The following SEC14L5 variants were observed in gnomAD, a reference collection of about 807,000 sequenced individuals.
The protein encoded by SEC14L5 is SEC14-like protein 5.
Under a neutral mutation model 84.6 loss-of-function variants are expected in SEC14L5, and 96 were observed. That is an observed-to-expected ratio of 1.13 (90% CI 0.96 to 1.34). The LOEUF is 1.34. Ranked by LOEUF, SEC14L5 falls within the 40% of genes most tolerant of loss-of-function variation. The probability of loss-of-function intolerance (pLI) is 0.00; values close to 1 mark genes in which losing one functional copy is unlikely to be tolerated. For missense variants in SEC14L5, 1,224 were observed against 942.5 expected (o/e 1.30, Z -3.91); for synonymous variants, 546 against 383.4 (o/e 1.42, Z -4.95).
intron 2 of SEC14L5, among the ~76,000 whole-genome samples, chr16:4,964,075 C>T (rs1463707646): frequency 6.6e-6 from 1 of 152,154 alleles, no homozygotes; most frequent in Non-Finnish European, 1.5e-5. Context: ...ACAATTAAGA[C>T]AATGGAGGCA....
chr16:5,010,889 G>T, intron 14 of SEC14L5: 1 of 550,298 alleles, frequency 1.8e-6, no homozygotes, highest in Non-Finnish European at 3.2e-6. Context: ...TTAAGAGGGA[G>T]GCTCTGGTCC....
At chr16:4,962,494 C>T (rs1044789251) in intron 2 of SEC14L5, among the ~76,000 whole-genome samples, 2 of 152,056 alleles carry the variant, frequency 1.3e-5, no homozygotes, top group Non-Finnish European at 2.9e-5. Context: ...TCGAGACGAG[C>T]TTGGCCAACA....
chr16:4,969,220 C>A (rs1955244051), intron 2 of SEC14L5, among the ~76,000 whole-genome samples: 1 of 152,194 alleles, frequency 6.6e-6, no homozygotes, highest in Non-Finnish European at 1.5e-5. Flanking sequence ...AAGTGTAAGG[C>A]CCTCGTGCAT....
chr16:5,002,070 T>C (rs1325628436), intron 10 of SEC14L5, among the ~76,000 whole-genome samples: 1 of 152,232 alleles, frequency 6.6e-6, no homozygotes, highest in Non-Finnish European at 1.5e-5. Context: ...GTTCCCAGCC[T>C]GTAAAGTGGC....
At chr16:4,961,443 C>G (rs764257358) in intron 2 of SEC14L5, among the ~76,000 whole-genome samples, 2 of 152,170 alleles carry the variant, frequency 1.3e-5, no homozygotes, top group Admixed American at 6.5e-5. Flanking sequence ...ATTCTCGTGC[C>G]TCAGCCCCCT....
At chr16:4,961,387 G>C (rs1270933200) in intron 2 of SEC14L5, among the ~76,000 whole-genome samples, 1 of 152,182 alleles carries the variant, frequency 6.6e-6, no homozygotes, top group Non-Finnish European at 1.5e-5. Context: ...GGAGTGCAGT[G>C]GTGCCATCTT....
At chr16:4,975,404 C>A (rs544041896) in intron 2 of SEC14L5, among the ~76,000 whole-genome samples, 3,157 of 135,994 alleles carry the variant, frequency 0.023, 102 homozygotes, top group African/African-American at 0.083. Flanking sequence ...ACCCGGGAGG[C>A]AGAGCTTGCA....
chr16:4,970,491 A>G (rs1181031378), intron 2 of SEC14L5, among the ~76,000 whole-genome samples: 1 of 152,152 alleles, frequency 6.6e-6, no homozygotes, highest in Non-Finnish European at 1.5e-5. Context: ...CATTCCTGAG[A>G]CACTTGGAAA....
chr16:4,982,339 C>T (rs1430754165), intron 2 of SEC14L5, among the ~76,000 whole-genome samples: 1 of 152,174 alleles, frequency 6.6e-6, no homozygotes, highest in Non-Finnish European at 1.5e-5. Flanking sequence ...CTGTGACAGG[C>T]GCTAGGAGCA....
At chr16:5,007,231 C>A in intron 12 of SEC14L5, 121 bp from the exon 13 acceptor site, 2 of 776,948 alleles carry the variant, frequency 2.6e-6, no homozygotes, top group Non-Finnish European at 4.1e-6. Context: ...AAGCCCACAG[C>A]CCATTCAGTA....
At chr16:4,969,841 C>G (rs1596615254) in intron 2 of SEC14L5, among the ~76,000 whole-genome samples, 2 of 136,854 alleles carry the variant, frequency 1.5e-5, no homozygotes, top group African/African-American at 5.5e-5. Context: ...TTTTTTGAGA[C>G]TGGTCTCAGG....
In SEC14L5 at chr16:5,000,541, C is replaced by T; in HGVS notation, c.971-114C>T. 3 of 759,256 alleles carry T rather than the reference C, an allele frequency of 4.0e-6. No homozygotes were observed. In the South Asian group the frequency reaches 5.0e-5, roughly 13 times the overall value. The allele number at this position is 759,256 out of a possible 1,614,324, so 47.0% of individuals were successfully genotyped here. On this transcript the variant is annotated intron_variant, in intron 8 of 15. Transcript: ENST00000251170. ...TTAGTAAGTGAAGGCTGGATCGGGC[C>T]TTGGTGGGTTGCAGCCTGAGGAGGT...
rs1033883960 is a variant in SEC14L5, at chr16:5,015,184, C to T, written c.*214C>T. 1 of 566,944 alleles carries T rather than the reference C, an allele frequency of 1.8e-6. No individual in the cohort carries two copies. Among genetic ancestry groups the T allele is most frequent in the Non-Finnish European group, 3.1e-6 (1 of 318,990 alleles). The allele number at this position is 566,944 out of a possible 1,614,324, so 35.1% of individuals were successfully genotyped here. On this transcript the variant is annotated 3_prime_UTR_variant, in exon 16 of 16. Coordinates refer to ENST00000251170, the MANE Select transcript of SEC14L5 (RefSeq NM_014692.2). ...TGAAATTGCAAGGACAGAACCATCT[C>T]CTTCCGGCTTCGTGTAAGGAAGACC... is the stretch of plus-strand genomic sequence containing the variant.
At chr16:5,003,804 G>T (rs1199632400) in intron 11 of SEC14L5, among the ~76,000 whole-genome samples, 4 of 152,208 alleles carry the variant, frequency 2.6e-5, no homozygotes, top group Non-Finnish European at 4.4e-5. Flanking sequence ...GAACATTTCT[G>T]TCGCCCCAAA....
chr16:4,981,152 T>A (rs1955418793), intron 2 of SEC14L5, among the ~76,000 whole-genome samples: 1 of 151,952 alleles, frequency 6.6e-6, no homozygotes, highest in Non-Finnish European at 1.5e-5. Context: ...AGTCTTGCTC[T>A]GTCGCCCACG....
At chr16:5,011,021 C>A (rs1455419472) in intron 14 of SEC14L5, 74 bp from the exon 15 acceptor site, 15 of 1,408,018 alleles carry the variant, frequency 1.1e-5, no homozygotes, top group Middle Eastern at 2.4e-4. Context: ...TGATGAGAAG[C>A]CCATGAAGGC....
In SEC14L5 at chr16:5,011,121, C is replaced by CG; in HGVS notation, c.1828dup (p.Val610GlyfsTer43). The CG allele has an allele frequency of 6.2e-7, 1 of 1,607,898 alleles. No individual in the cohort carries two copies. The highest frequency in any genetic ancestry group is 1.1e-5 in the South Asian group (1 of 89,962). On this transcript the variant is annotated frameshift_variant, in exon 15 of 16. Coordinates refer to ENST00000251170, the MANE Select transcript of SEC14L5 (RefSeq NM_014692.2). LOFTEE classifies it high-confidence loss of function. ...GCTCCCATGTGACCCGGTGGCCCGG[C>CG]GTCTACCTGCTCCAGTGGCAAATGC...
chr16:5,003,006 C>G (rs1186845938), intron 10 of SEC14L5, among the ~76,000 whole-genome samples: 2 of 152,240 alleles, frequency 1.3e-5, no homozygotes, highest in African/African-American at 4.8e-5. Flanking sequence ...TAATGGAATG[C>G]TAGGCCTAAA....
chr16:5,003,616 T>C, intron 11 of SEC14L5, 43 bp downstream of exon 11: 4 of 130,936 alleles, frequency 3.1e-5, no homozygotes, highest in East Asian at 1.8e-4. Context: ...TGGGGGTGGG[T>C]GGGATGGGAG....
Sources: allele counts gnomAD v4.1 joint callset (sites outside exome capture counted in the v4.1 genomes callset), GRCh38; gene constraint gnomAD v4.1.1; transcripts MANE v1.5; gene names NCBI Gene and HGNC (gene_info 2026-07-23, HGNC 2026-07-21).